KIAA1328: variants seen among roughly 807,000 people sequenced by gnomAD.
KIAA1328 encodes KIAA1328.
KIAA1328 carries 52 observed loss-of-function variants against 68.1 expected under a neutral mutation model. That is an observed-to-expected ratio of 0.76 (90% confidence interval 0.61 to 0.96). The LOEUF is 0.96. KIAA1328 is among the 40% of genes least tolerant of loss of function. The probability of loss-of-function intolerance (pLI) is 0.00; values close to 1 mark genes in which losing one functional copy is unlikely to be tolerated. For synonymous variants in KIAA1328, 232 were observed against 239.4 expected, an observed-to-expected ratio of 0.97 and a Z score of 0.28; for missense variants, 641 against 677.6, an observed-to-expected ratio of 0.95 and a Z score of 0.60.
chr18:37,101,004 C>A (rs922606142), intron 7 of KIAA1328, among the ~76,000 whole-genome samples: 4 of 152,130 alleles, frequency 2.6e-5, no homozygotes, highest in Non-Finnish European at 5.9e-5. Flanking sequence ...GACATCCACA[C>A]CAAAACCCCA....
chr18:37,117,117 T>C (rs1014699347), intron 7 of KIAA1328, among the ~76,000 whole-genome samples: 1 of 152,174 alleles, frequency 6.6e-6, no homozygotes, highest in Non-Finnish European at 1.5e-5. Context: ...TCCTCAGGGA[T>C]CTAGAACTAG....
chr18:37,219,377 T>C (rs562783765), intron 9 of KIAA1328, among the ~76,000 whole-genome samples: 2 of 152,306 alleles, frequency 1.3e-5, no homozygotes, highest in South Asian at 4.1e-4. Flanking sequence ...GTCAGGGATG[T>C]TTAAGTCTGC....
chr18:36,829,363 G>T (rs1432327032), intron 1 of KIAA1328, 167 bp downstream of exon 1: 2 of 1,378,714 alleles, frequency 1.5e-6, no homozygotes, highest in African/African-American at 1.5e-5. Flanking sequence ...CCTTGCTTGG[G>T]TGTTAGGTGG....
intron 6 of KIAA1328, among the ~76,000 whole-genome samples, chr18:37,016,171 C>G (rs1031681763): frequency 6.6e-6 from 1 of 152,026 alleles, no homozygotes; most frequent in Non-Finnish European, 1.5e-5. Context: ...AGGAATGTTC[C>G]TTTAATGCCT....
intron 9 of KIAA1328, among the ~76,000 whole-genome samples, chr18:37,201,364 A>G (rs1385735007): frequency 2.0e-5 from 3 of 152,126 alleles, no homozygotes; most frequent in African/African-American, 4.8e-5. Context: ...TTTTTTTTCT[A>G]GAGACTTGTA....
intron 3 of KIAA1328, among the ~76,000 whole-genome samples, chr18:36,842,832 C>G (rs899322256): frequency 6.6e-6 from 1 of 152,064 alleles, no homozygotes; most frequent in Non-Finnish European, 1.5e-5. Flanking sequence ...ATCATTAGCA[C>G]TGTTGAACCC....
intron 7 of KIAA1328, among the ~76,000 whole-genome samples, chr18:37,143,064 C>T (rs1481082241): frequency 2.0e-5 from 3 of 151,592 alleles, no homozygotes; most frequent in Admixed American, 6.6e-5. Context: ...AAGCAATTCT[C>T]GTGCCTCATC....
At chr18:37,206,474 T>A (rs2154219874) in intron 9 of KIAA1328, among the ~76,000 whole-genome samples, 1 of 152,310 alleles carries the variant, frequency 6.6e-6, no homozygotes, top group East Asian at 1.9e-4. Flanking sequence ...AGCAACCCTA[T>A]TCATCTTGTG....
In KIAA1328 at chr18:37,086,354, C is replaced by T. The variant is rs535797202; in HGVS notation, c.1232+18809C>T. ...TCACTTTGTATACAATAAATATATACAGTGTTTACCAATTACAATTTACAA... is the reference window on the plus strand; with the variant it reads ...TCACTTTGTATACAATAAATATATATAGTGTTTACCAATTACAATTTACAA... On this transcript the variant is annotated intron_variant, in intron 7 of 9. Transcript: ENST00000280020. 2.6e-5 allele frequency among the ~76,000 whole-genome samples: 4 copies of T among 152,234 alleles called. No homozygotes were observed. In the East Asian group the frequency reaches 5.8e-4, roughly 22 times the overall value.
chr18:37,022,405 G>C (rs527281697), intron 6 of KIAA1328, among the ~76,000 whole-genome samples: 1 of 152,212 alleles, frequency 6.6e-6, no homozygotes, highest in East Asian at 1.9e-4. Flanking sequence ...TAGAATTATG[G>C]CTTTAAAAGG....
At chr18:36,970,788 A>C (rs1020026883) in intron 6 of KIAA1328, among the ~76,000 whole-genome samples, 3 of 152,230 alleles carry the variant, frequency 2.0e-5, no homozygotes, top group Non-Finnish European at 4.4e-5. Flanking sequence ...CCACTGCTCA[A>C]GGAAATAAGA....
chr18:36,829,389 T>C, intron 1 of KIAA1328, 193 bp downstream of exon 1: 1 of 1,360,908 alleles, frequency 7.3e-7, no homozygotes, highest in African/African-American at 1.5e-5. Flanking sequence ...AGACTGGTAC[T>C]GTCTGCAGGT....
intron 7 of KIAA1328, among the ~76,000 whole-genome samples, chr18:37,105,002 C>G (rs943188261): frequency 3.3e-5 from 5 of 152,196 alleles, no homozygotes; most frequent in Admixed American, 2.6e-4. Context: ...TTTCTGACTT[C>G]TCTTTAATTC....
intron 6 of KIAA1328, among the ~76,000 whole-genome samples, chr18:37,030,119 T>TA (rs1471398641): frequency 6.6e-6 from 1 of 152,130 alleles, no homozygotes; most frequent in African/African-American, 2.4e-5. Context: ...TGATTTTTTT[T>TA]AACAAAACAT....
intron 9 of KIAA1328, among the ~76,000 whole-genome samples, chr18:37,193,403 T>G (rs530729314): frequency 2.6e-5 from 4 of 152,182 alleles, no homozygotes; most frequent in Non-Finnish European, 5.9e-5. Flanking sequence ...AAGAGTATAG[T>G]CTCATCAGTT....
At chr18:37,072,636 G>A (rs993473038) in intron 7 of KIAA1328, among the ~76,000 whole-genome samples, 1 of 151,934 alleles carries the variant, frequency 6.6e-6, no homozygotes, top group South Asian at 2.1e-4. Context: ...CTTTTGTTAT[G>A]GCTCCACATT....
intron 5 of KIAA1328, among the ~76,000 whole-genome samples, chr18:36,909,509 T>C (rs1385583607): frequency 1.3e-5 from 2 of 152,142 alleles, no homozygotes; most frequent in East Asian, 1.9e-4. Flanking sequence ...GTGTATGTGC[T>C]GCATTTTCTT....
At chr18:37,037,423 A>T (rs1599044300) in intron 6 of KIAA1328, among the ~76,000 whole-genome samples, 1 of 152,266 alleles carries the variant, frequency 6.6e-6, no homozygotes, top group African/African-American at 2.4e-5. Flanking sequence ...TCTTTATACC[A>T]CTTACCATTG....
At chr18:36,964,310 CATAAA>C (rs1353897034) in intron 6 of KIAA1328, among the ~76,000 whole-genome samples, 3 of 152,148 alleles carry the variant, frequency 2.0e-5, no homozygotes, top group African/African-American at 7.2e-5. Flanking sequence ...TCAGATAAAA[CATAAA>C]ATTTTATTCT....
Sources: allele counts gnomAD v4.1 joint callset (sites outside exome capture counted in the v4.1 genomes callset), GRCh38; gene constraint gnomAD v4.1.1; transcripts MANE v1.5; gene names NCBI Gene and HGNC (gene_info 2026-07-23, HGNC 2026-07-21).